The following CDH18 variants were observed in gnomAD, a reference collection of about 807,000 sequenced individuals.
CDH18 encodes cadherin-18.
A neutral mutation model predicts 67.9 loss-of-function variants in CDH18; 31 were observed. The ratio of observed to expected loss-of-function variants is 0.46; its 90% confidence interval spans 0.34 to 0.62. The LOEUF (loss-of-function observed/expected upper bound fraction) is 0.62, where lower values mean the gene tolerates loss of function less well. Ranked by LOEUF, CDH18 falls within the 20% of genes least tolerant of loss-of-function variation. The pLI, the probability that CDH18 is intolerant of heterozygous loss-of-function variation, is 0.01. For synonymous variants in CDH18, 362 were observed against 347.2 expected (o/e 1.04, Z -0.48); for missense variants, 890 against 975.5 (o/e 0.91, Z 1.17).
chr5:19,619,034 T>C (rs542671206), intron 5 of CDH18, among the ~76,000 whole-genome samples: 86 of 152,214 alleles, frequency 5.6e-4, no homozygotes, highest in African/African-American at 1.8e-3. Context: ...TTTAGTATAT[T>C]ATATGCTATA....
At chr5:19,708,700 C>T (rs1001242624) in intron 5 of CDH18, among the ~76,000 whole-genome samples, 1 of 152,200 alleles carries the variant, frequency 6.6e-6, no homozygotes, top group African/African-American at 2.4e-5. Context: ...CATGTTCCTG[C>T]TGCAGATAAC....
At chr5:20,475,430 C>T (rs919619848) in intron 1 of CDH18, among the ~76,000 whole-genome samples, 1 of 151,988 alleles carries the variant, frequency 6.6e-6, no homozygotes, top group Non-Finnish European at 1.5e-5. Flanking sequence ...GCAACAAAAG[C>T]CATTGATAGG....
intron 5 of CDH18, among the ~76,000 whole-genome samples, chr5:19,639,543 C>T (rs1048381701): frequency 1.3e-5 from 2 of 152,244 alleles, no homozygotes; most frequent in African/African-American, 2.4e-5. Context: ...TGGGACAAAG[C>T]GACTACACCC....
intron 3 of CDH18, among the ~76,000 whole-genome samples, chr5:19,748,263 A>G (rs867283596): frequency 6.6e-6 from 1 of 150,560 alleles, no homozygotes; most frequent in Non-Finnish European, 1.5e-5. Flanking sequence ...TACAGTAACA[A>G]ATCTACACTT....
Position 19,578,207 on chromosome 5 carries a change from T to G in CDH18, c.1000-6375A>C, listed in dbSNP as rs115605261. 8.2e-3 allele frequency among the ~76,000 whole-genome samples: 1,252 copies of G among 152,328 alleles called. 5 individuals carry two copies. The highest frequency in any genetic ancestry group is 0.013 in the Admixed American group (194 of 15,300). ...CCTAGGAAACGAATGTAAATTTGTC[T>G]GCTTTATGTAGAAACATAGTAGAAA... is the stretch of plus-strand genomic sequence containing the variant. On this transcript the variant is annotated intron_variant, in intron 7 of 12. Transcript: ENST00000382275.
chr5:20,035,208 G>A (rs1206226685), intron 2 of CDH18, among the ~76,000 whole-genome samples: 1 of 151,986 alleles, frequency 6.6e-6, no homozygotes. Context: ...CATTAAATTT[G>A]GGGATTTTTT....
intron 1 of CDH18, among the ~76,000 whole-genome samples, chr5:20,326,353 A>G (rs1738575952): frequency 6.6e-6 from 1 of 152,098 alleles, no homozygotes; most frequent in African/African-American, 2.4e-5. Flanking sequence ...TTTAAAAATT[A>G]TATTATTCCC....
At chr5:20,070,896 C>T (rs1385732884) in intron 2 of CDH18, among the ~76,000 whole-genome samples, 3 of 152,114 alleles carry the variant, frequency 2.0e-5, no homozygotes, top group African/African-American at 7.2e-5. Flanking sequence ...GCAGTTAATG[C>T]TAACTTCTAA....
At chr5:19,528,094 A>G (rs772912479) in intron 9 of CDH18, among the ~76,000 whole-genome samples, 22 of 151,950 alleles carry the variant, frequency 1.4e-4, no homozygotes, top group Middle Eastern at 6.8e-3. Context: ...TATGTATTCT[A>G]TTCTTGTGAA....
chr5:20,138,095 A>G (rs1239869790), intron 2 of CDH18, among the ~76,000 whole-genome samples: 1 of 152,168 alleles, frequency 6.6e-6, no homozygotes, highest in Non-Finnish European at 1.5e-5. Flanking sequence ...ATCCGGCAGC[A>G]CATCAAAAAG....
intron 2 of CDH18, among the ~76,000 whole-genome samples, chr5:20,093,821 G>A (rs1251469252): frequency 6.6e-6 from 1 of 152,126 alleles, no homozygotes; most frequent in African/African-American, 2.4e-5. Flanking sequence ...CTAAGAGTCA[G>A]AGAAGCCAGT....
chr5:19,628,313 A>C, intron 5 of CDH18, among the ~76,000 whole-genome samples: 1 of 152,116 alleles, frequency 6.6e-6, no homozygotes, highest in Middle Eastern at 3.2e-3. Context: ...TATAAATTGC[A>C]CAGTCTTGGG....
intron 2 of CDH18, among the ~76,000 whole-genome samples, chr5:20,248,797 AATAAC>A (rs1193428715): frequency 6.6e-6 from 1 of 152,240 alleles, no homozygotes; most frequent in Non-Finnish European, 1.5e-5. Flanking sequence ...GATATTTTAA[AATAAC>A]ACCATTTCAA....
chr5:19,785,283 A>G (rs932872524), intron 3 of CDH18, among the ~76,000 whole-genome samples: 1 of 152,142 alleles, frequency 6.6e-6, no homozygotes, highest in Admixed American at 6.5e-5. Flanking sequence ...TCCATCACAT[A>G]ATATTTTTCA....
At chr5:20,274,607 A>G (rs1745669885) in intron 1 of CDH18, among the ~76,000 whole-genome samples, 1 of 152,164 alleles carries the variant, frequency 6.6e-6, no homozygotes, top group Admixed American at 6.6e-5. Context: ...GCTTATATAC[A>G]TCAGTGATAT....
chr5:20,446,832 T>C (rs572822124), intron 1 of CDH18, among the ~76,000 whole-genome samples: 46 of 152,340 alleles, frequency 3.0e-4, no homozygotes, highest in African/African-American at 1.1e-3. Context: ...ATCAATATTT[T>C]GTGAAAGATT....
chr5:19,848,666 G>A (rs1464780740), intron 2 of CDH18, among the ~76,000 whole-genome samples: 1 of 151,936 alleles, frequency 6.6e-6, no homozygotes, highest in Non-Finnish European at 1.5e-5. Flanking sequence ...TAGCTTCCAT[G>A]AGGAGAATGC....
chr5:20,527,551 A>G (rs1756144836), intron 1 of CDH18, among the ~76,000 whole-genome samples: 1 of 152,040 alleles, frequency 6.6e-6, no homozygotes, highest in Admixed American at 6.6e-5. Context: ...TCAGACTAAC[A>G]GCAGACTACT....
At chr5:19,705,386 G>T (rs2150500760) in intron 5 of CDH18, among the ~76,000 whole-genome samples, 1 of 152,216 alleles carries the variant, frequency 6.6e-6, no homozygotes, top group South Asian at 2.1e-4. Context: ...ATTACTAGGG[G>T]ATATTAATTG....
Sources: allele counts gnomAD v4.1 joint callset (sites outside exome capture counted in the v4.1 genomes callset), GRCh38; gene constraint gnomAD v4.1.1; transcripts MANE v1.5; gene names NCBI Gene and HGNC (gene_info 2026-07-23, HGNC 2026-07-21).